The following NR2E1 variants were observed in gnomAD, a reference collection of about 807,000 sequenced individuals.
The protein encoded by NR2E1 is nuclear receptor TLX.
NR2E1 carries 5 observed loss-of-function variants against 43.6 expected under a neutral mutation model. That is an observed-to-expected ratio of 0.11 (90% CI 0.06 to 0.24). The LOEUF is 0.24. NR2E1 is among the 10% of genes least tolerant of loss of function. The probability of loss-of-function intolerance (pLI) is 1.00; values close to 1 mark genes in which losing one functional copy is unlikely to be tolerated. For synonymous variants in NR2E1, 191 were observed against 195.5 expected (o/e 0.98, Z 0.19); for missense variants, 287 against 496.7 (o/e 0.58, Z 4.01).
chr6:108,185,614 T>C (rs964020458), intron 8 of NR2E1, among the ~76,000 whole-genome samples: 1 of 152,196 alleles, frequency 6.6e-6, no homozygotes, highest in African/African-American at 2.4e-5. Flanking sequence ...CATCTTGAAC[T>C]CCTGGGCTCA....
At position 108,176,674 on chromosome 6, in the gene NR2E1, T is replaced by G. The variant is rs1316053463; in HGVS notation, c.431T>G (p.Leu144Arg). 2 of 1,601,246 alleles carry G rather than the reference T, an allele frequency of 1.2e-6. No individual in the cohort carries two copies. The highest frequency in any genetic ancestry group is 8.5e-7 in the Non-Finnish European group (1 of 1,176,750). The change falls in exon 4 of 9, where the codon CTG becomes CGG. Residue 144 changes from leucine (L) to arginine (R), a missense_variant. Leu to Arg is a moderately radical substitution (Grantham distance 102, BLOSUM62 -2). Transcript: ENST00000368986. ...VTQLEPHGLE[L>R]AAVSTTPERQ... The stretch of plus-strand genomic sequence containing the variant: ...CAGCTGGAGCCGCACGGCCTGGAGC[T>G]GGCCGCGGTGTCCACCACTCCAGAG...
chr6:108,180,107 A>T lies in NR2E1; in HGVS notation c.643-216A>T, dbSNP rs1185777473. ...TTTCTGAGAGAAGGAAACTTTGGAG[A>T]ATTGGAATGGCTGACTCTCAAATCC... is the stretch of plus-strand genomic sequence containing the variant. On this transcript the variant is annotated intron_variant, in intron 5 of 8. Transcript: ENST00000368986. This position sits in a 1 kb window ranked among gnomAD's most constrained non-coding sequence, Gnocchi z 5.4. Among the ~76,000 whole-genome samples the T allele has an allele frequency of 6.6e-6, 1 of 152,200 alleles. No homozygotes were observed. Among genetic ancestry groups the T allele is most frequent in the Non-Finnish European group, 1.5e-5 (1 of 68,034 alleles).
intron 2 of NR2E1, 131 bp downstream of exon 2, chr6:108,171,734 C>G: frequency 8.5e-7 from 1 of 1,180,976 alleles, no homozygotes; most frequent in Non-Finnish European, 1.2e-6. Context: ...CTTCCTCTCC[C>G]CTCCTTCTTG....
chr6:108,178,100 C>G lies in NR2E1; in HGVS notation c.501C>G (p.Pro167=), dbSNP rs1306715122. ...TTTCTTTCTTCCCTACCCAGTACCC[C>G]CATGAAGTGAATGGGACCCCAATGT... The part of the protein sequence containing the change: ...VSLAQPTPKY[P]HEVNGTPMYL... The change falls in exon 5 of 9, where the codon CCC becomes CCG. Residue 167 remains proline, a synonymous_variant. Coordinates refer to ENST00000368986, the MANE Select transcript of NR2E1 (RefSeq NM_003269.5). 3 of 1,614,090 alleles carry G rather than the reference C, an allele frequency of 1.9e-6. No individual in the cohort carries two copies. Among genetic ancestry groups the G allele is most frequent in the African/African-American group, 1.3e-5 (1 of 74,930 alleles).
At chr6:108,177,396 C>T (rs2114677166) in intron 4 of NR2E1, among the ~76,000 whole-genome samples, 1 of 152,318 alleles carries the variant, frequency 6.6e-6, no homozygotes, top group Non-Finnish European at 1.5e-5. Context: ...CACCTAAGGC[C>T]TACCCTCCAG....
chr6:108,180,910 T>C lies in NR2E1; in HGVS notation c.843T>C (p.Asp281=), dbSNP rs1319917411. Residue 281 remains aspartate (D), a synonymous_variant, in exon 7 of 9, where the codon GAT becomes GAC. Transcript: ENST00000368986. This position sits in a 1 kb window ranked among gnomAD's most constrained non-coding sequence, Gnocchi z 5.4. The part of the protein sequence containing the change: ...VVARFRQLRL[D]ATEFACLKCI... ...CTCGATTTAGACAACTCCGGTTAGA[T>C]GCTACTGAATTTGCCTGTCTAAAAT... 14 of 1,614,160 alleles carry C rather than the reference T, an allele frequency of 8.7e-6. No individual in the cohort carries two copies. Among genetic ancestry groups the C allele is most frequent in the Non-Finnish European group, 1.1e-5 (13 of 1,180,024 alleles).
In NR2E1 at chr6:108,176,591, C is replaced by G. The variant is rs2114676410; in HGVS notation, c.348C>G (p.Ala116=). 6.2e-7 allele frequency: 1 copy of G among 1,612,856 alleles called. No individual in the cohort carries two copies. Among genetic ancestry groups the G allele is most frequent in the South Asian group, 1.1e-5 (1 of 91,082 alleles). ...GTGGACACAAGGAGGAGAACGGGGC[C>G]GCCGCGCACTTTCCCTCGGCGGCGC... ...YFRGHKEENG[A]AAHFPSAALP... is the part of the protein sequence containing the mutation. Residue 116 remains alanine, a synonymous_variant, in exon 4 of 9, where the codon GCC becomes GCG. Transcript: ENST00000368986.
rs1355868970 is a variant in NR2E1 at position 108,176,488 on chromosome 6, T to C, written c.260-15T>C. ...CTCTAATCGCCGGCATGCGTTTCTC[T>C]GTTTGCCTCTGCAGCCGTGCAGCAC... On this transcript the variant is annotated splice_polypyrimidine_tract_variant and intron_variant, in intron 3 of 8. Transcript: ENST00000368986. The C allele has an allele frequency of 1.4e-5, 22 of 1,611,744 alleles. No homozygotes were observed. Among genetic ancestry groups the C allele is most frequent in the Non-Finnish European group, 1.9e-5 (22 of 1,179,216 alleles).
At chr6:108,170,094 C>A (rs1040514349) in intron 1 of NR2E1, among the ~76,000 whole-genome samples, 2 of 151,934 alleles carry the variant, frequency 1.3e-5, no homozygotes, top group Non-Finnish European at 2.9e-5. Flanking sequence ...AGGCCCTCCC[C>A]GCGCCACGCC....
intron 8 of NR2E1, among the ~76,000 whole-genome samples, chr6:108,183,222 C>T (rs2114681791): frequency 6.6e-6 from 1 of 152,020 alleles, no homozygotes; most frequent in South Asian, 2.1e-4. Flanking sequence ...AGACTGGGGG[C>T]TGAGGTGGCT....
In NR2E1 at chr6:108,169,999, C is replaced by T. The variant is rs1773783589; in HGVS notation, c.26-1459C>T. Among the ~76,000 whole-genome samples the T allele has an allele frequency of 6.6e-6, 1 of 151,828 alleles. No homozygotes were observed. Among genetic ancestry groups the T allele is most frequent in the Non-Finnish European group, 1.5e-5 (1 of 67,918 alleles). On this transcript the variant is annotated intron_variant, in intron 1 of 8. Coordinates refer to ENST00000368986, the MANE Select transcript of NR2E1 (RefSeq NM_003269.5). The surrounding 1 kb of genome is among the most constrained non-coding windows in gnomAD (Gnocchi z 6.1). Reference sequence around the variant, plus strand: ...CGCGCTCTCCTTCCCCCACCCCCTCCACCTGAGACGAGTCTGGGACCCACG... The same window carrying T: ...CGCGCTCTCCTTCCCCCACCCCCTCTACCTGAGACGAGTCTGGGACCCACG...
chr6:108,177,980 C>A, intron 4 of NR2E1, 115 bp from the exon 5 acceptor site: 1 of 1,152,226 alleles, frequency 8.7e-7, no homozygotes, highest in Non-Finnish European at 1.3e-6. Context: ...TTAAACAAAA[C>A]ATCCAAATTC....
intron 4 of NR2E1, 110 bp downstream of exon 4, chr6:108,176,848 C>A (rs1773908109): frequency 9.2e-7 from 1 of 1,082,428 alleles, no homozygotes; most frequent in African/African-American, 1.6e-5. Flanking sequence ...GAGAGAACTC[C>A]AGGGTGCTTG....
intron 7 of NR2E1, among the ~76,000 whole-genome samples, chr6:108,181,239 G>C (rs952962277): frequency 2.0e-5 from 3 of 151,650 alleles, no homozygotes; most frequent in Non-Finnish European, 4.4e-5. Context: ...TGTCACCCAG[G>C]CTGGAGTCCA....
chr6:108,176,432 G>C, intron 3 of NR2E1, 71 bp from the exon 4 acceptor site: 3 of 1,492,714 alleles, frequency 2.0e-6, no homozygotes, highest in Non-Finnish European at 2.8e-6. Flanking sequence ...GCGGGGCTGG[G>C]GGGAGAGCCG....
At chr6:108,170,451 T>C (rs1202459278) in intron 1 of NR2E1, among the ~76,000 whole-genome samples, 1 of 152,056 alleles carries the variant, frequency 6.6e-6, no homozygotes, top group Non-Finnish European at 1.5e-5. Flanking sequence ...AATCCCTCCC[T>C]TTCTAAACGG....
At position 108,187,981 on chromosome 6, in the gene NR2E1, TAAGTGGCCTTCAG is replaced by T; in HGVS notation, c.*521_*533del. The stretch of plus-strand genomic sequence containing the variant: ...TTTCCCCTCTATTGTAATACATTAT[TAAGTGGCCTTCAG>T]AACTGAGTTAATAAGTGAAAAGTAG... On this transcript the variant is annotated 3_prime_UTR_variant, in exon 9 of 9. Coordinates refer to ENST00000368986, the MANE Select transcript of NR2E1 (RefSeq NM_003269.5). The T allele has an allele frequency of 6.0e-6, 1 of 166,196 alleles. No homozygotes were observed. The highest frequency in any genetic ancestry group is 1.5e-4 in the South Asian group (1 of 6,586). 10.3% of individuals were successfully genotyped at this position (166,196 alleles called of 1,614,324 possible). A position where few individuals can be genotyped will look rare whatever the true frequency, so the allele number is the denominator to read the frequency against.
intron 3 of NR2E1, among the ~76,000 whole-genome samples, chr6:108,175,475 C>T (rs1008105228): frequency 2.0e-5 from 3 of 152,238 alleles, no homozygotes; most frequent in African/African-American, 7.2e-5. Flanking sequence ...CTCTGTTCTA[C>T]AGAAAAGAGG....
chr6:108,188,210 A>G lies in NR2E1; in HGVS notation c.*747A>G, dbSNP rs1774106205. The G allele has an allele frequency of 6.6e-6, 1 of 152,456 alleles. No homozygotes were observed. The allele number at this position is 152,456 out of a possible 1,614,324, so 9.4% of individuals were successfully genotyped here. A position where few individuals can be genotyped will look rare whatever the true frequency, so the allele number is the denominator to read the frequency against. On this transcript the variant is annotated 3_prime_UTR_variant, in exon 9 of 9. Coordinates refer to ENST00000368986, the MANE Select transcript of NR2E1 (RefSeq NM_003269.5). Reference sequence around the variant, plus strand: ...AAAAGAGAAGAGCTTTACTAAAAGAACATAAGTCAAGGGAGGATGAATAAA... The same window carrying G: ...AAAAGAGAAGAGCTTTACTAAAAGAGCATAAGTCAAGGGAGGATGAATAAA...
Sources: gnomAD v4.1 joint callset for allele counts (sites outside exome capture counted in the v4.1 genomes callset) on GRCh38, gnomAD v4.1.1 for gene constraint, Gnocchi (gnomAD v3.1) non-coding constraint, MANE v1.5 for transcripts, NCBI Gene and HGNC (gene_info 2026-07-23, HGNC 2026-07-21) for gene names.